PCDH15: variants seen among roughly 807,000 people sequenced by gnomAD.
PCDH15 encodes protocadherin related 15, also known as protocadherin-15.
PCDH15 carries 129 observed loss-of-function variants against 178.5 expected under a neutral mutation model. The observed-to-expected ratio is 0.72, with a 90% CI of 0.63 to 0.84. The LOEUF is 0.84. Among genes scored for constraint, PCDH15 ranks in the 40% least tolerant of loss-of-function variants. PCDH15 has a pLI of 0.00. For missense variants in PCDH15, 2,230 were observed against 2,099.9 expected, an observed-to-expected ratio of 1.06 and a Z score of -1.21; for synonymous variants, 800 against 732.0, an observed-to-expected ratio of 1.09 and a Z score of -1.50.
At chr10:54,510,851 A>T (rs1164042941) in intron 3 of PCDH15, among the ~76,000 whole-genome samples, 1 of 152,142 alleles carries the variant, frequency 6.6e-6, no homozygotes, top group Admixed American at 6.6e-5. Context: ...ATCTAACATA[A>T]AAATGTGATA....
intron 8 of PCDH15, among the ~76,000 whole-genome samples, chr10:54,307,096 GTGTGTGTGTATATATATATATATATA>G (rs2060575142): frequency 9.5e-5 from 1 of 10,562 alleles, no homozygotes; most frequent in African/African-American, 5.6e-4. Context: ...ATATATATGT[GTGTGTGTGTATATATATATATATATA>G]TATATATATA....
At chr10:53,880,446 T>C (rs1303956404) in intron 26 of PCDH15, among the ~76,000 whole-genome samples, 2 of 152,204 alleles carry the variant, frequency 1.3e-5, no homozygotes, top group East Asian at 3.8e-4. Context: ...AGTCTATTCA[T>C]CTTTTAATTT....
chr10:53,939,050 A>T, intron 24 of PCDH15, 95 bp from the exon 25 acceptor site: 1 of 1,261,318 alleles, frequency 7.9e-7, no homozygotes. Context: ...AACACTAAAA[A>T]TGCCTATTTA....
At chr10:53,901,540 C>G (rs2082334936) in intron 26 of PCDH15, among the ~76,000 whole-genome samples, 1 of 152,138 alleles carries the variant, frequency 6.6e-6, no homozygotes, top group Admixed American at 6.6e-5. Context: ...GTTACCCATT[C>G]CCAACATCCC....
intron 2 of PCDH15, among the ~76,000 whole-genome samples, chr10:54,991,465 T>C (rs554074386): frequency 5.7e-4 from 86 of 152,208 alleles, no homozygotes; most frequent in Non-Finnish European, 9.1e-4. Context: ...AAAAAGTAAA[T>C]AGACATAAAC....
intron 1 of PCDH15, among the ~76,000 whole-genome samples, chr10:54,705,406 G>T (rs970012801): frequency 6.6e-6 from 1 of 152,006 alleles, no homozygotes; most frequent in South Asian, 2.1e-4. Context: ...ATAATTGAAA[G>T]AATAGTTAGA....
chr10:55,093,860 T>C (rs1410058702), intron 2 of PCDH15, among the ~76,000 whole-genome samples: 1 of 152,066 alleles, frequency 6.6e-6, no homozygotes. Flanking sequence ...TCACACCAGT[T>C]AGAATGGTGA....
intron 8 of PCDH15, among the ~76,000 whole-genome samples, chr10:54,270,102 T>G (rs542067246): frequency 6.6e-6 from 1 of 152,228 alleles, no homozygotes; most frequent in Admixed American, 6.5e-5. Flanking sequence ...TTATCTTTTG[T>G]TTCATATTTT....
chr10:54,110,676 T>C (rs1320117094), intron 15 of PCDH15, among the ~76,000 whole-genome samples: 1 of 152,200 alleles, frequency 6.6e-6, no homozygotes, highest in East Asian at 1.9e-4. Context: ...TGTGTCTTTG[T>C]GTCTGAAATT....
At chr10:55,487,281 C>G (rs888311382) in intron 2 of PCDH15, among the ~76,000 whole-genome samples, 1 of 151,634 alleles carries the variant, frequency 6.6e-6, no homozygotes, top group African/African-American at 2.4e-5. Flanking sequence ...GCTTTGATAT[C>G]TTCCACTTTC....
At chr10:54,482,628 G>A (rs2078803986) in intron 3 of PCDH15, among the ~76,000 whole-genome samples, 1 of 151,704 alleles carries the variant, frequency 6.6e-6, no homozygotes, top group African/African-American at 2.4e-5. Flanking sequence ...GCAGGCAATG[G>A]GAATGAGGTT....
At chr10:54,580,207 A>G (rs896396557) in intron 2 of PCDH15, among the ~76,000 whole-genome samples, 4 of 152,074 alleles carry the variant, frequency 2.6e-5, no homozygotes, top group African/African-American at 9.7e-5. Flanking sequence ...AGCATAAACA[A>G]GAGAGATAAA....
chr10:55,368,971 A>C (rs1257008568), intron 2 of PCDH15, among the ~76,000 whole-genome samples: 1 of 135,734 alleles, frequency 7.4e-6, no homozygotes, highest in Non-Finnish European at 1.6e-5. Context: ...TTTATTACTT[A>C]TTATGCAGCT....
At chr10:54,496,719 G>A (rs1391570872) in intron 3 of PCDH15, among the ~76,000 whole-genome samples, 1 of 152,084 alleles carries the variant, frequency 6.6e-6, no homozygotes, top group Middle Eastern at 3.2e-3. Context: ...AAACTTGAGA[G>A]AGCTTATCTC....
chr10:54,170,628 C>T (rs2046796363), intron 13 of PCDH15, among the ~76,000 whole-genome samples: 1 of 151,596 alleles, frequency 6.6e-6, no homozygotes, highest in Non-Finnish European at 1.5e-5. Flanking sequence ...CACATTATTC[C>T]TGATACCACA....
intron 2 of PCDH15, among the ~76,000 whole-genome samples, chr10:55,524,340 A>G (rs1396368870): frequency 6.6e-6 from 1 of 151,614 alleles, no homozygotes; most frequent in African/African-American, 2.4e-5. Flanking sequence ...TTCCTCTGTA[A>G]TTCCATAGTG....
At chr10:54,971,057 G>C (rs1345146514) in intron 2 of PCDH15, among the ~76,000 whole-genome samples, 2 of 152,196 alleles carry the variant, frequency 1.3e-5, no homozygotes, top group Non-Finnish European at 2.9e-5. Context: ...TTAGGATTTT[G>C]AGTTGGACCT....
At chr10:54,078,207 T>G (rs1172574099) in intron 17 of PCDH15, among the ~76,000 whole-genome samples, 3 of 152,160 alleles carry the variant, frequency 2.0e-5, no homozygotes, top group African/African-American at 7.2e-5. Flanking sequence ...TAAGTATGTT[T>G]ATTTATGTAA....
intron 26 of PCDH15, among the ~76,000 whole-genome samples, chr10:53,870,440 A>G (rs188562470): frequency 6.6e-6 from 1 of 152,336 alleles, no homozygotes; most frequent in East Asian, 1.9e-4. Flanking sequence ...TATGTTATAC[A>G]GTAAGGACTC....
Sources: allele counts gnomAD v4.1 joint callset (sites outside exome capture counted in the v4.1 genomes callset), GRCh38; gene constraint gnomAD v4.1.1; transcripts MANE v1.5; gene names NCBI Gene and HGNC (gene_info 2026-07-23, HGNC 2026-07-21).